Variants in SLC4A10 observed in about 807,000 individuals in gnomAD.
SLC4A10 encodes sodium-driven chloride bicarbonate exchanger.
In SLC4A10, 42 loss-of-function variants were observed where a neutral mutation model predicts 137.7. That is an observed-to-expected ratio of 0.30 (90% CI 0.24 to 0.39). The LOEUF is 0.39. Among genes scored for constraint, SLC4A10 ranks in the 10% least tolerant of loss-of-function variants. The pLI is 1.00. For missense variants in SLC4A10, 925 were observed against 1,355.0 expected (o/e 0.68, Z 4.98); for synonymous variants, 474 against 464.1 (o/e 1.02, Z -0.27).
chr2:161,727,303 C>T (rs114239496), intron 1 of SLC4A10, among the ~76,000 whole-genome samples: 1 of 152,120 alleles, frequency 6.6e-6, no homozygotes. Context: ...AATCAGTGTT[C>T]CCCCCAAAAA....
intron 11 of SLC4A10, among the ~76,000 whole-genome samples, chr2:161,899,346 G>A (rs922413653): frequency 3.9e-5 from 6 of 152,044 alleles, no homozygotes; most frequent in African/African-American, 1.4e-4. Context: ...ATAACAAAAT[G>A]CCACAGAAGA....
chr2:161,722,055 T>G (rs1014091415), intron 1 of SLC4A10, among the ~76,000 whole-genome samples: 3 of 152,214 alleles, frequency 2.0e-5, no homozygotes, highest in Non-Finnish European at 4.4e-5. Flanking sequence ...CGTTCCTCTC[T>G]AAACTGTTTA....
chr2:161,642,631 CT>C (rs1210556343), intron 1 of SLC4A10, among the ~76,000 whole-genome samples: 5 of 151,856 alleles, frequency 3.3e-5, no homozygotes, highest in Non-Finnish European at 7.4e-5. Flanking sequence ...CTGTTAATGT[CT>C]TAGTGAGTAA....
At chr2:161,633,209 A>G (rs1437629589) in intron 1 of SLC4A10, among the ~76,000 whole-genome samples, 2 of 151,718 alleles carry the variant, frequency 1.3e-5, no homozygotes, top group East Asian at 3.9e-4. Context: ...TTACCAGGGC[A>G]TAACTCCATT....
chr2:161,729,886 G>A (rs192603035), intron 1 of SLC4A10, among the ~76,000 whole-genome samples: 67 of 152,276 alleles, frequency 4.4e-4, no homozygotes, highest in Non-Finnish European at 5.9e-5. Context: ...CGTCAGTTTG[G>A]TTTTCACTGG....
intron 15 of SLC4A10, among the ~76,000 whole-genome samples, chr2:161,912,383 G>A (rs1196224200): frequency 1.3e-5 from 2 of 152,152 alleles, no homozygotes; most frequent in African/African-American, 2.4e-5. Context: ...GAGATGTGAT[G>A]AGTGTTCTCA....
intron 4 of SLC4A10, among the ~76,000 whole-genome samples, chr2:161,849,435 A>T (rs533782379): frequency 6.6e-6 from 1 of 152,136 alleles, no homozygotes; most frequent in East Asian, 1.9e-4. Flanking sequence ...TCCAGGACTT[A>T]TGTTGAATAA....
At chr2:161,830,084 A>G (rs1369442394) in intron 3 of SLC4A10, among the ~76,000 whole-genome samples, 4 of 151,864 alleles carry the variant, frequency 2.6e-5, no homozygotes, top group Non-Finnish European at 5.9e-5. Flanking sequence ...TAGAATATAC[A>G]TTTAAAAATT....
At position 161,648,616 on chromosome 2, in the gene SLC4A10, T is replaced by G. The variant is rs2036388595; in HGVS notation, c.48+24050T>G. On this transcript the variant is annotated intron_variant, in intron 1 of 26. Coordinates refer to ENST00000446997, the MANE Select transcript of SLC4A10 (RefSeq NM_001178015.2). ...TGATCACCAACCCTGAGTGTTAGCC[T>G]CCTCCAATTTTCCCAGAATTAACCA... Among the ~76,000 whole-genome samples, 3 of 152,224 alleles carry G rather than the reference T, an allele frequency of 2.0e-5. No individual in the cohort carries two copies. In the South Asian group the frequency reaches 6.2e-4, roughly 31 times the overall value.
At chr2:161,811,153 G>A (rs925007660) in intron 3 of SLC4A10, among the ~76,000 whole-genome samples, 2 of 151,964 alleles carry the variant, frequency 1.3e-5, no homozygotes, top group Admixed American at 6.6e-5. Flanking sequence ...TAATTTGTTT[G>A]CACAGAGGTG....
chr2:161,955,116 T>C (rs1425953246), intron 19 of SLC4A10, among the ~76,000 whole-genome samples: 2 of 152,184 alleles, frequency 1.3e-5, no homozygotes, highest in Non-Finnish European at 2.9e-5. Flanking sequence ...CCATTCACAT[T>C]GTACTCCCTC....
intron 7 of SLC4A10, 56 bp from the exon 8 acceptor site, chr2:161,873,860 C>T (rs1030198571): frequency 2.9e-5 from 44 of 1,521,368 alleles, no homozygotes; most frequent in Admixed American, 2.3e-4. Flanking sequence ...TGGTGCCTGG[C>T]GGAGTCTCCG....
chr2:161,790,301 T>C (rs1317249966), intron 2 of SLC4A10, among the ~76,000 whole-genome samples: 1 of 152,198 alleles, frequency 6.6e-6, no homozygotes, highest in Non-Finnish European at 1.5e-5. Flanking sequence ...GAGACTACTT[T>C]TATTATAGCC....
intron 3 of SLC4A10, among the ~76,000 whole-genome samples, chr2:161,828,381 T>G (rs1288415354): frequency 6.6e-6 from 1 of 152,028 alleles, no homozygotes; most frequent in Non-Finnish European, 1.5e-5. Flanking sequence ...TTACTGTTTT[T>G]TTCTTGAGCT....
intron 2 of SLC4A10, among the ~76,000 whole-genome samples, chr2:161,782,383 T>C (rs2053133744): frequency 6.6e-6 from 1 of 151,922 alleles, no homozygotes; most frequent in African/African-American, 2.4e-5. Context: ...ATCTTCCATA[T>C]AAGGCCAGCT....
intron 25 of SLC4A10, 53 bp from the exon 26 acceptor site, chr2:161,977,668 TA>T: frequency 6.7e-7 from 1 of 1,498,450 alleles, no homozygotes; most frequent in Non-Finnish European, 9.1e-7. Flanking sequence ...TTTATTTTCG[TA>T]ACCTTAAATT....
intron 1 of SLC4A10, among the ~76,000 whole-genome samples, chr2:161,727,476 C>T (rs2046353559): frequency 6.6e-6 from 1 of 152,112 alleles, no homozygotes; most frequent in South Asian, 2.1e-4. Context: ...GAAGCCAATA[C>T]ATTAGGAAAA....
At chr2:161,712,028 C>A (rs965772568) in intron 1 of SLC4A10, among the ~76,000 whole-genome samples, 7 of 151,834 alleles carry the variant, frequency 4.6e-5, no homozygotes, top group Non-Finnish European at 7.4e-5. Context: ...AGTCATCATG[C>A]AGTTTAGTTT....
chr2:161,761,154 G>T (rs1483811379), intron 1 of SLC4A10, among the ~76,000 whole-genome samples: 2 of 151,970 alleles, frequency 1.3e-5, no homozygotes, highest in Admixed American at 6.6e-5. Flanking sequence ...AACAAGACTT[G>T]CATCTAGATG....
Sources: gnomAD v4.1 joint callset for allele counts (sites outside exome capture counted in the v4.1 genomes callset) on GRCh38, gnomAD v4.1.1 for gene constraint, MANE v1.5 for transcripts, NCBI Gene and HGNC (gene_info 2026-07-23, HGNC 2026-07-21) for gene names.